Variants in SLC45A1 observed in about 807,000 individuals in gnomAD.
The protein encoded by SLC45A1 is solute carrier family 45 member 1.
SLC45A1 carries 28 observed loss-of-function variants against 57.6 expected under a neutral mutation model. The ratio of observed to expected loss-of-function variants is 0.49; its 90% confidence interval spans 0.36 to 0.67. SLC45A1 has a LOEUF of 0.67. Ranked by LOEUF, SLC45A1 falls within the 30% of genes least tolerant of loss-of-function variation. The pLI is 0.00. For synonymous variants in SLC45A1, 459 were observed against 471.5 expected, an observed-to-expected ratio of 0.97 and a Z score of 0.34; for missense variants, 814 against 1,041.5, an observed-to-expected ratio of 0.78 and a Z score of 3.01.
chr1:8,336,046 G>A (rs893616193), intron 6 of SLC45A1: 1 of 160,914 alleles, frequency 6.2e-6, no homozygotes, highest in Non-Finnish European at 1.3e-5. Context: ...TATGAGCATT[G>A]AAAAGCACCA....
rs570388890 is a variant in SLC45A1, at chr1:8,326,161, A to T, written c.715+119A>T. 2 of 722,150 alleles carry T rather than the reference A, an allele frequency of 2.8e-6. No homozygotes were observed. Among genetic ancestry groups the T allele is most frequent in the African/African-American group, 1.8e-5 (1 of 56,818 alleles). The allele number at this position is 722,150 out of a possible 1,614,324, so 44.7% of individuals were successfully genotyped here. The stretch of plus-strand genomic sequence containing the variant: ...AAAGAAGCTGGGAGAATTCCAATAC[A>T]TGGAGAAACACTGAAGTGATTGAAA... On this transcript the variant is annotated intron_variant, in intron 4 of 8. Coordinates refer to ENST00000471889, the MANE Select transcript of SLC45A1 (RefSeq NM_001080397.3). This position sits in a 1 kb window ranked among gnomAD's most constrained non-coding sequence, Gnocchi z 5.5.
At chr1:8,336,861 G>A (rs1021728006) in intron 6 of SLC45A1, among the ~76,000 whole-genome samples, 2 of 152,190 alleles carry the variant, frequency 1.3e-5, no homozygotes, top group East Asian at 1.9e-4. Flanking sequence ...GGAACGGAGC[G>A]CTAAGCACTT....
In SLC45A1 at chr1:8,339,721, C is replaced by T. The variant is rs1438686367; in HGVS notation, c.1980+23C>T. ...AAGGTAAGTGCTCTCCCTTGTCTTGCTTCGGGTCTGCTTCTTGGAGAAACC... is the reference window on the plus strand; with the variant it reads ...AAGGTAAGTGCTCTCCCTTGTCTTGTTTCGGGTCTGCTTCTTGGAGAAACC... On this transcript the variant is annotated intron_variant, in intron 8 of 8. Coordinates refer to ENST00000471889, the MANE Select transcript of SLC45A1 (RefSeq NM_001080397.3). 4.4e-6 allele frequency: 7 copies of T among 1,605,554 alleles called. No individual in the cohort carries two copies. The South Asian group carries it at 7.7e-5, about 18-fold the overall frequency.
intron 8 of SLC45A1, among the ~76,000 whole-genome samples, chr1:8,339,937 G>A (rs1023887684): frequency 2.6e-5 from 4 of 152,172 alleles, no homozygotes; most frequent in Admixed American, 2.0e-4. Context: ...GTCAGGCTCT[G>A]TCCTTCCCAG....
At chr1:8,338,309 G>A (rs1640688515) in intron 7 of SLC45A1, among the ~76,000 whole-genome samples, 1 of 152,260 alleles carries the variant, frequency 6.6e-6, no homozygotes, top group African/African-American at 2.4e-5. Flanking sequence ...CACCCAGGCA[G>A]CGTGCTGTCC....
chr1:8,334,132 G>A (rs1393651039), intron 5 of SLC45A1, among the ~76,000 whole-genome samples: 2 of 152,222 alleles, frequency 1.3e-5, no homozygotes, highest in Non-Finnish European at 2.9e-5. Context: ...GTTTAGGTGT[G>A]GTTGAAAATC....
chr1:8,321,665 A>T (rs564294619), intron 1 of SLC45A1, among the ~76,000 whole-genome samples: 1 of 152,038 alleles, frequency 6.6e-6, no homozygotes, highest in South Asian at 2.1e-4. Context: ...GGATGAGTAA[A>T]TGTTTGGAAG....
chr1:8,332,060 G>A (rs1640427890), intron 5 of SLC45A1, among the ~76,000 whole-genome samples: 1 of 152,220 alleles, frequency 6.6e-6, no homozygotes, highest in Non-Finnish European at 1.5e-5. Context: ...CCAAAGTGCT[G>A]CGATTACAGG....
chr1:8,323,052 C>A (rs1393165467), intron 1 of SLC45A1, among the ~76,000 whole-genome samples: 1 of 152,194 alleles, frequency 6.6e-6, no homozygotes, highest in Non-Finnish European at 1.5e-5. Context: ...CAGTTCGACA[C>A]TTTGGAACCG....
chr1:8,344,023 G>A lies in SLC45A1; in HGVS notation c.*10G>A, dbSNP rs770026813. On this transcript the variant is annotated 3_prime_UTR_variant, in exon 9 of 9. Transcript: ENST00000471889. The stretch of plus-strand genomic sequence containing the variant: ...CCTGCTGAACGTCTGACATCGCGGA[G>A]CCTCGACTCCGGACACGCGCCTGCA... 19 of 1,600,304 alleles carry A rather than the reference G, an allele frequency of 1.2e-5. No homozygotes were observed. Among genetic ancestry groups the A allele is most frequent in the South Asian group, 3.3e-5 (3 of 90,088 alleles).
At position 8,325,838 on chromosome 1, in the gene SLC45A1, C is replaced by A; in HGVS notation, c.511C>A (p.Leu171Ile). 1.2e-6 allele frequency: 2 copies of A among 1,613,654 alleles called. No individual in the cohort carries two copies. The highest frequency in any genetic ancestry group is 1.7e-6 in the Non-Finnish European group (2 of 1,180,048). Residue 171 changes from leucine to isoleucine, a missense_variant, in exon 4 of 9, where the codon CTC becomes ATC. By Grantham distance (5) the Leu-to-Ile change is conservative. Coordinates refer to ENST00000471889, the MANE Select transcript of SLC45A1 (RefSeq NM_001080397.3). This position sits in a 1 kb window ranked among gnomAD's most constrained non-coding sequence, Gnocchi z 6.3. The stretch of plus-strand genomic sequence containing the variant: ...TCCAGGGGCACTGCTGGGCCTCTCG[C>A]TCTTGCTGAATGGCCGGGACATTGG... The part of the protein sequence containing the change: ...LAIGALLGLS[L>I]LLNGRDIGIA...
At position 8,330,787 on chromosome 1, in the gene SLC45A1, G is replaced by A. The variant is rs202228969; in HGVS notation, c.1294G>A (p.Gly432Arg). ...GGGTGCCCTGACCTCCGGCTGTGACGGGGACATTCTGAGGGTGGGCTCCTT... is the reference window on the plus strand; with the variant it reads ...GGGTGCCCTGACCTCCGGCTGTGACAGGGACATTCTGAGGGTGGGCTCCTT... The part of the protein sequence containing the change: ...REGALTSGCD[G>R]DILRVGSLDT... Residue 432 changes from glycine (G) to arginine (R), a missense_variant, in exon 5 of 9, where the codon GGG becomes AGG. Coordinates refer to ENST00000471889, the MANE Select transcript of SLC45A1 (RefSeq NM_001080397.3). The surrounding 1 kb of genome is among the most constrained non-coding windows in gnomAD (Gnocchi z 8.4). 257 of 1,613,448 alleles carry A rather than the reference G, an allele frequency of 1.6e-4. No individual in the cohort carries two copies. The highest frequency in any genetic ancestry group is 2.0e-4 in the Non-Finnish European group (241 of 1,180,036).
chr1:8,330,639 G>A lies in SLC45A1; in HGVS notation c.1146G>A (p.Thr382=), dbSNP rs769069066. 9 of 1,613,320 alleles carry A rather than the reference G, an allele frequency of 5.6e-6. No homozygotes were observed. Among genetic ancestry groups the A allele is most frequent in the African/African-American group, 2.7e-5 (2 of 74,920 alleles). ...ACAGCGTCCTCATTGACTGCTTCAC[G>A]GGCGGCCACGACAGCTACCTGGCCA... ...NIDSVLIDCF[T]GGHDSYLAIP... is the part of the protein sequence containing the mutation. The change falls in exon 5 of 9, where the codon ACG becomes ACA. Residue 382 remains threonine, a synonymous_variant. Transcript: ENST00000471889. The surrounding 1 kb of genome is among the most constrained non-coding windows in gnomAD (Gnocchi z 8.4).
In SLC45A1 at chr1:8,330,318, C is replaced by A. The variant is rs746636610; in HGVS notation, c.825C>A (p.Val275=). The A allele has an allele frequency of 8.7e-6, 14 of 1,613,570 alleles. No individual in the cohort carries two copies. In the South Asian group the frequency reaches 1.5e-4, roughly 18 times the overall value. ...QLRVIYLFTA[V]TLSVTTVLTL... ...GAGTCATTTACCTCTTCACTGCGGT[C>A]ACCCTGAGCGTCACCACCGTCCTGA... The change falls in exon 5 of 9, where the codon GTC becomes GTA. Residue 275 remains valine (V), a synonymous_variant. Transcript: ENST00000471889. This position sits in a 1 kb window ranked among gnomAD's most constrained non-coding sequence, Gnocchi z 8.4.
At chr1:8,341,310 G>A (rs1210565249) in intron 8 of SLC45A1, among the ~76,000 whole-genome samples, 9 of 151,838 alleles carry the variant, frequency 5.9e-5, no homozygotes, top group South Asian at 2.1e-4. Flanking sequence ...TGAGGCGGGC[G>A]GATTACCTGA....
At chr1:8,319,239 C>T (rs1639918041) in intron 1 of SLC45A1, among the ~76,000 whole-genome samples, 1 of 152,204 alleles carries the variant, frequency 6.6e-6, no homozygotes, top group Admixed American at 6.5e-5. Flanking sequence ...CAGATCATGC[C>T]ACTGCACTCT....
In SLC45A1 at chr1:8,337,912, C is replaced by T. The variant is rs748149515; in HGVS notation, c.1694C>T (p.Ala565Val). ...GDPKAPHTSE[A>V]YQKYNSGVTM... ...CCCAAGGCCCCGCACACATCAGAGG[C>T]GTATCAGAAGTACAACAGCGGCGTG... Residue 565 changes from alanine (A) to valine (V), a missense_variant, in exon 7 of 9, where the codon GCG becomes GTG. Ala to Val is a moderately conservative substitution (Grantham distance 64, BLOSUM62 0). Coordinates refer to ENST00000471889, the MANE Select transcript of SLC45A1 (RefSeq NM_001080397.3). 34 of 1,614,096 alleles carry T rather than the reference C, an allele frequency of 2.1e-5. No individual in the cohort carries two copies. The highest frequency in any genetic ancestry group is 1.6e-4 in the Middle Eastern group (1 of 6,084).
intron 5 of SLC45A1, among the ~76,000 whole-genome samples, chr1:8,331,832 GC>G (rs1640420368): frequency 6.8e-6 from 1 of 146,264 alleles, no homozygotes; most frequent in African/African-American, 2.5e-5. Context: ...TCACTCTGTC[GC>G]CCAGGCTGGA....
Position 8,343,613 on chromosome 1 carries a change from A to C in SLC45A1, c.1981-134A>C, listed in dbSNP as rs969530959. On this transcript the variant is annotated intron_variant, in intron 8 of 8. Transcript: ENST00000471889. This position sits in a 1 kb window ranked among gnomAD's most constrained non-coding sequence, Gnocchi z 7.7. The stretch of plus-strand genomic sequence containing the variant: ...AAACTCTTGGCTGAACTCCCTGTGC[A>C]TGTTGGCGCTGAAAAATGTGAGGCC... 19 of 848,766 alleles carry C rather than the reference A, an allele frequency of 2.2e-5. No homozygotes were observed. The highest frequency in any genetic ancestry group is 3.1e-5 in the Non-Finnish European group (17 of 545,836). 52.6% of individuals were successfully genotyped at this position (848,766 alleles called of 1,614,324 possible).
Sources: gnomAD v4.1 joint callset for allele counts (sites outside exome capture counted in the v4.1 genomes callset) on GRCh38, gnomAD v4.1.1 for gene constraint, Gnocchi (gnomAD v3.1) non-coding constraint, MANE v1.5 for transcripts, NCBI Gene and HGNC (gene_info 2026-07-23, HGNC 2026-07-21) for gene names.